Variants in KCNN2 observed in about 807,000 individuals in gnomAD.
KCNN2 encodes potassium calcium-activated channel subfamily N member 2.
In KCNN2, 24 loss-of-function variants were observed where a neutral mutation model predicts 55.5. The observed-to-expected ratio is 0.43, with a 90% CI of 0.31 to 0.61. The LOEUF (loss-of-function observed/expected upper bound fraction) is 0.61. Among genes scored for constraint, KCNN2 ranks in the 20% least tolerant of loss-of-function variants. The pLI is 0.08. For missense variants in KCNN2, 754 were observed against 853.6 expected (o/e 0.88, Z 1.45); for synonymous variants, 431 against 336.1 (o/e 1.28, Z -3.09).
chr5:114,364,334 A>G (rs761531669), intron 2 of KCNN2, among the ~76,000 whole-genome samples: 22 of 152,134 alleles, frequency 1.4e-4, no homozygotes, highest in African/African-American at 5.1e-4. Context: ...TCTGGAATGA[A>G]CTTGTGTTCT....
At chr5:114,098,122 C>G (rs528649060) in intron 1 of KCNN2, among the ~76,000 whole-genome samples, 1 of 152,124 alleles carries the variant, frequency 6.6e-6, no homozygotes. Flanking sequence ...CTTTCCGCTT[C>G]TGTCATCACA....
chr5:114,244,521 C>T (rs371005462), intron 2 of KCNN2, among the ~76,000 whole-genome samples: 14 of 150,204 alleles, frequency 9.3e-5, no homozygotes, highest in African/African-American at 2.7e-4. Context: ...TGCTTGAACC[C>T]GGGAGGCGGA....
upstream of KCNN2, chr5:114,361,943 ACTCAGTCTCGGT>A (rs1757434036): frequency 6.5e-6 from 1 of 152,758 alleles, no homozygotes; most frequent in Admixed American, 6.6e-5. Flanking sequence ...CGCGCCGCAA[ACTCAGTCTCGGT>A]CCCCGCAGGT....
intron 1 of KCNN2, among the ~76,000 whole-genome samples, chr5:114,162,174 G>A (rs992974446): frequency 7.9e-5 from 12 of 152,074 alleles, no homozygotes; most frequent in African/African-American, 1.2e-4. Flanking sequence ...GTACAGACGG[G>A]TTTTTGGTGT....
chr5:114,385,979 C>T (rs1204906714), intron 2 of KCNN2, among the ~76,000 whole-genome samples: 2 of 151,406 alleles, frequency 1.3e-5, no homozygotes, highest in Non-Finnish European at 2.9e-5. Context: ...GAAATCGAGA[C>T]CAGCCTGGCT....
chr5:114,410,813 G>A (rs1166183925), intron 3 of KCNN2, among the ~76,000 whole-genome samples: 3 of 152,122 alleles, frequency 2.0e-5, no homozygotes. Context: ...GGTTAAAAAA[G>A]TGGCCAACTA....
intron 2 of KCNN2, among the ~76,000 whole-genome samples, chr5:114,369,950 G>C (rs1302358506): frequency 6.6e-6 from 1 of 152,100 alleles, no homozygotes; most frequent in Non-Finnish European, 1.5e-5. Context: ...CACCAAGGCA[G>C]CCTGCGTTGA....
chr5:114,320,441 G>A (rs373967553), intron 2 of KCNN2, among the ~76,000 whole-genome samples: 157 of 151,996 alleles, frequency 1.0e-3, no homozygotes, highest in African/African-American at 3.6e-3. Context: ...GTGAAACACC[G>A]TCTCTACTAA....
chr5:114,407,539 T>C (rs1480028747), intron 3 of KCNN2, among the ~76,000 whole-genome samples: 1 of 152,206 alleles, frequency 6.6e-6, no homozygotes, highest in Non-Finnish European at 1.5e-5. Flanking sequence ...GATGCATTTT[T>C]CTTTTGTTTT....
rs371858116 is a variant in KCNN2, at chr5:114,417,356, A to G, written c.1637+12500A>G. On this transcript the variant is annotated intron_variant, in intron 3 of 7. Coordinates refer to ENST00000673685, the MANE Select transcript of KCNN2 (RefSeq NM_021614.4). ...CTGCCTACTGTGCTTTCTACTATTT[A>G]GTAAGGTGTTTTTATTGTTTTATTT... Among the ~76,000 whole-genome samples, 26 of 152,258 alleles carry G rather than the reference A, an allele frequency of 1.7e-4. No homozygotes were observed. In the East Asian group the frequency reaches 4.6e-3, roughly 27 times the overall value.
intron 1 of KCNN2, among the ~76,000 whole-genome samples, chr5:114,087,230 T>C (rs999715517): frequency 2.6e-5 from 4 of 152,164 alleles, no homozygotes; most frequent in East Asian, 3.8e-4. Flanking sequence ...TGTAGTTTTG[T>C]GTTTACTCTG....
intron 1 of KCNN2, among the ~76,000 whole-genome samples, chr5:114,076,700 T>C (rs535447990): frequency 2.6e-5 from 4 of 152,332 alleles, no homozygotes; most frequent in Admixed American, 2.0e-4. Flanking sequence ...TTTTTATTTT[T>C]CTATTTTTTG....
At chr5:114,433,328 C>A (rs1759869147) in intron 3 of KCNN2, among the ~76,000 whole-genome samples, 1 of 152,192 alleles carries the variant, frequency 6.6e-6, no homozygotes. Flanking sequence ...CTTGGAGAAC[C>A]TTTGTGTGGA....
intron 1 of KCNN2, among the ~76,000 whole-genome samples, chr5:114,148,578 G>C (rs1752452027): frequency 6.6e-6 from 1 of 152,106 alleles, no homozygotes; most frequent in African/African-American, 2.4e-5. Flanking sequence ...TCTGAAAGAA[G>C]GGGTCCTGGA....
At chr5:114,386,009 T>C in intron 2 of KCNN2, among the ~76,000 whole-genome samples, 1 of 150,424 alleles carries the variant, frequency 6.6e-6, no homozygotes. Context: ...AAACCCTGTC[T>C]CTATTAAAAA....
chr5:114,101,733 C>T (rs187209543), intron 1 of KCNN2, among the ~76,000 whole-genome samples: 356 of 152,112 alleles, frequency 2.3e-3, no homozygotes, highest in Non-Finnish European at 3.7e-3. Flanking sequence ...TGGTTTCCAG[C>T]TTCATCTATG....
intron 3 of KCNN2, among the ~76,000 whole-genome samples, chr5:114,459,372 C>T (rs915058864): frequency 2.0e-5 from 3 of 152,148 alleles, no homozygotes; most frequent in African/African-American, 7.2e-5. Context: ...GAATAGTTCT[C>T]CTTGTAGAGA....
At chr5:114,454,372 G>C (rs764684204) in intron 3 of KCNN2, among the ~76,000 whole-genome samples, 7 of 152,068 alleles carry the variant, frequency 4.6e-5, no homozygotes, top group Admixed American at 2.0e-4. Flanking sequence ...CTCGTATTAA[G>C]AGTGGCAATT....
chr5:114,321,864 T>A (rs1428326332), intron 2 of KCNN2, among the ~76,000 whole-genome samples: 1 of 152,118 alleles, frequency 6.6e-6, no homozygotes, highest in Non-Finnish European at 1.5e-5. Flanking sequence ...GAGACGGGGT[T>A]TCACCATGTT....
Sources: gnomAD v4.1 joint callset for allele counts (sites outside exome capture counted in the v4.1 genomes callset) on GRCh38, gnomAD v4.1.1 for gene constraint, MANE v1.5 for transcripts, NCBI Gene and HGNC (gene_info 2026-07-23, HGNC 2026-07-21) for gene names.